The following GOLPH3L variants were observed in gnomAD, a reference collection of about 807,000 sequenced individuals.
GOLPH3L encodes the protein Golgi phosphoprotein 3-like.
Under a neutral mutation model 30.3 loss-of-function variants are expected in GOLPH3L, and 22 were observed. The ratio of observed to expected loss-of-function variants is 0.73; its 90% CI spans 0.52 to 1.04. GOLPH3L has a LOEUF of 1.04. Among genes scored for constraint, GOLPH3L ranks in the 50% least tolerant of loss-of-function variants. The pLI is 0.00. For missense variants in GOLPH3L, 303 were observed against 345.8 expected, an observed-to-expected ratio of 0.88 and a Z score of 0.98; for synonymous variants, 120 against 128.2, an observed-to-expected ratio of 0.94 and a Z score of 0.43.
rs1649983956 is a variant in GOLPH3L, at chr1:150,646,642, G to A, written c.*1679C>T. 2 of 152,160 alleles carry A rather than the reference G, an allele frequency of 1.3e-5. No individual in the cohort carries two copies. The highest frequency in any genetic ancestry group is 6.5e-5 in the Admixed American group (1 of 15,270). 9.4% of individuals were successfully genotyped at this position (152,160 alleles called of 1,614,324 possible). ...ACAAAAAAATGTTAACTGAGCTGGG[G>A]CATTTTTGTGGGGCTAAGTAGATTT... On this transcript the variant is annotated 3_prime_UTR_variant, in exon 5 of 5. Coordinates refer to ENST00000271732, the MANE Select transcript of GOLPH3L (RefSeq NM_018178.6).
intron 3 of GOLPH3L, among the ~76,000 whole-genome samples, chr1:150,662,603 G>T (rs1347840247): frequency 1.3e-5 from 2 of 152,118 alleles, no homozygotes; most frequent in Non-Finnish European, 2.9e-5. Context: ...AGCTATAAAG[G>T]TAAATGATAT....
chr1:150,651,295 AAAGC>A (rs1381273394), intron 4 of GOLPH3L, among the ~76,000 whole-genome samples: 1 of 152,150 alleles, frequency 6.6e-6, no homozygotes, highest in African/African-American at 2.4e-5. Flanking sequence ...CCTGGGCAAC[AAAGC>A]AAGACTCCAT....
chr1:150,651,980 A>C (rs1650115103), intron 4 of GOLPH3L, among the ~76,000 whole-genome samples: 1 of 152,206 alleles, frequency 6.6e-6, no homozygotes, highest in African/African-American at 2.4e-5. Context: ...ACAAACTCCA[A>C]GTTGGATGAA....
rs1651187760 is a variant in GOLPH3L at position 150,690,652 on chromosome 1, C to T, written c.183+4004G>A. Among the ~76,000 whole-genome samples, 3 of 152,288 alleles carry T rather than the reference C, an allele frequency of 2.0e-5. No homozygotes were observed. In the South Asian group the frequency reaches 6.2e-4, roughly 32 times the overall value. ...TGATTTTGAATCCCATTGTTCTCCA[C>T]CTACTTCAGTCATACTGGCCTACTC... On this transcript the variant is annotated intron_variant, in intron 2 of 4. Transcript: ENST00000271732.
rs587703036 is a variant in GOLPH3L at position 150,653,306 on chromosome 1, T to A, written c.431-4558A>T. ...TAAATCTTTTTTTTTTTATTTTTTT[T>A]TTTTTTTGAGACGGAGTCTCACACT... On this transcript the variant is annotated intron_variant, in intron 4 of 4. Transcript: ENST00000271732. Among the ~76,000 whole-genome samples the A allele has an allele frequency of 1.3e-3, 200 of 149,614 alleles. 1 individual carries two copies. Among genetic ancestry groups the A allele is most frequent in the African/African-American group, 4.3e-3 (178 of 41,166 alleles).
intron 4 of GOLPH3L, among the ~76,000 whole-genome samples, chr1:150,660,150 T>C (rs1650336134): frequency 6.6e-6 from 1 of 152,158 alleles, no homozygotes; most frequent in South Asian, 2.1e-4. Flanking sequence ...CATAAAAATA[T>C]GCTCAATATT....
intron 2 of GOLPH3L, among the ~76,000 whole-genome samples, chr1:150,693,106 G>C (rs1651249776): frequency 1.3e-5 from 2 of 152,042 alleles, no homozygotes; most frequent in African/African-American, 2.4e-5. Flanking sequence ...TATATTTCCG[G>C]GCAAGAATTT....
chr1:150,659,792 G>A (rs990619051), intron 4 of GOLPH3L, among the ~76,000 whole-genome samples: 1 of 152,088 alleles, frequency 6.6e-6, no homozygotes, highest in Non-Finnish European at 1.5e-5. Flanking sequence ...CAGCATTTTG[G>A]GAGACCAAGA....
At chr1:150,673,943 GA>G (rs1332363234) in intron 2 of GOLPH3L, among the ~76,000 whole-genome samples, 303 of 132,522 alleles carry the variant, frequency 2.3e-3, no homozygotes, top group African/African-American at 7.6e-3. Context: ...AAAAAAAAAA[GA>G]AAAAAAATGG....
Position 150,678,847 on chromosome 1 carries a change from G to A in GOLPH3L, c.184-15084C>T, listed in dbSNP as rs1018782915. On this transcript the variant is annotated intron_variant, in intron 2 of 4. Coordinates refer to ENST00000271732, the MANE Select transcript of GOLPH3L (RefSeq NM_018178.6). The stretch of plus-strand genomic sequence containing the variant: ...CACACGCCTGTAGTCCCAGCTACTC[G>A]GGAGGCTGAGGCAGAACTGCTTGAA... 1.3e-5 allele frequency among the ~76,000 whole-genome samples: 2 copies of A among 152,036 alleles called. 1 individual carries two copies.
intron 3 of GOLPH3L, among the ~76,000 whole-genome samples, chr1:150,663,369 G>A (rs984275044): frequency 6.6e-6 from 1 of 152,068 alleles, no homozygotes; most frequent in Non-Finnish European, 1.5e-5. Context: ...ATAGATATAG[G>A]AGGAATTTAA....
chr1:150,649,471 G>A (rs1381889494), intron 4 of GOLPH3L, among the ~76,000 whole-genome samples: 6 of 152,224 alleles, frequency 3.9e-5, no homozygotes, highest in Non-Finnish European at 7.3e-5. Flanking sequence ...AGAGATCTTG[G>A]TGGAGAGCAA....
chr1:150,649,543 A>G (rs191882329), intron 4 of GOLPH3L, among the ~76,000 whole-genome samples: 2 of 152,174 alleles, frequency 1.3e-5, no homozygotes, highest in Non-Finnish European at 2.9e-5. Flanking sequence ...AAGCCTCCAG[A>G]AGTTTAACAG....
At chr1:150,676,712 T>C (rs1231778399) in intron 2 of GOLPH3L, among the ~76,000 whole-genome samples, 3 of 151,466 alleles carry the variant, frequency 2.0e-5, no homozygotes, top group Non-Finnish European at 2.9e-5. Context: ...GGCTCGATCT[T>C]GGCTCACTGC....
chr1:150,673,295 G>A (rs1423840756), intron 2 of GOLPH3L, among the ~76,000 whole-genome samples: 1 of 152,140 alleles, frequency 6.6e-6, no homozygotes, highest in Non-Finnish European at 1.5e-5. Context: ...CAGGCGCGGT[G>A]GCTCATGCCT....
In GOLPH3L at chr1:150,674,526, G is replaced by A. The variant is rs1650725965; in HGVS notation, c.184-10763C>T. 1.3e-5 allele frequency among the ~76,000 whole-genome samples: 2 copies of A among 152,032 alleles called. 1 individual carries two copies. Among genetic ancestry groups the A allele is most frequent in the South Asian group, 4.2e-4 (2 of 4,816 alleles). Reference sequence around the variant, plus strand: ...GATCTACCTGCCTTGGCCTCCCAAAGTGCTGGTATTACAGGCGTGAACCAC... The same window carrying A: ...GATCTACCTGCCTTGGCCTCCCAAAATGCTGGTATTACAGGCGTGAACCAC... On this transcript the variant is annotated intron_variant, in intron 2 of 4. Coordinates refer to ENST00000271732, the MANE Select transcript of GOLPH3L (RefSeq NM_018178.6).
intron 2 of GOLPH3L, among the ~76,000 whole-genome samples, chr1:150,673,450 C>A (rs587691580): frequency 1.8e-4 from 28 of 152,102 alleles, no homozygotes; most frequent in African/African-American, 6.3e-4. Context: ...ACCTGTAATC[C>A]CAGCTACTTG....
chr1:150,661,786 A>G, intron 4 of GOLPH3L, 28 bp downstream of exon 4: 2 of 959,058 alleles, frequency 2.1e-6, no homozygotes, highest in South Asian at 1.3e-5. Flanking sequence ...AAAGTGTGAA[A>G]TTCATATATT....
chr1:150,681,464 G>C (rs1314892490), intron 2 of GOLPH3L, among the ~76,000 whole-genome samples: 1 of 152,114 alleles, frequency 6.6e-6, no homozygotes, highest in Non-Finnish European at 1.5e-5. Context: ...ATATGGGAAG[G>C]AAACATGGCA....
Sources: allele counts gnomAD v4.1 joint callset (sites outside exome capture counted in the v4.1 genomes callset), GRCh38; gene constraint gnomAD v4.1.1; transcripts MANE v1.5; gene names NCBI Gene and HGNC (gene_info 2026-07-23, HGNC 2026-07-21).